CNTN1: variants seen among roughly 807,000 people sequenced by gnomAD.
CNTN1 encodes the protein contactin-1.
Under a neutral mutation model 126.4 loss-of-function variants are expected in CNTN1, and 38 were observed. The ratio of observed to expected loss-of-function variants is 0.30; its 90% confidence interval spans 0.23 to 0.39. The LOEUF (loss-of-function observed/expected upper bound fraction) is 0.39. CNTN1 is among the 10% of genes least tolerant of loss of function. CNTN1 has a pLI of 1.00. For synonymous variants in CNTN1, 413 were observed against 422.6 expected, an observed-to-expected ratio of 0.98 and a Z score of 0.28; for missense variants, 1,009 against 1,248.4, an observed-to-expected ratio of 0.81 and a Z score of 2.89.
intron 9 of CNTN1, 126 bp from the exon 10 acceptor site, chr12:40,936,655 C>T: frequency 8.5e-7 from 1 of 1,170,754 alleles, no homozygotes; most frequent in Non-Finnish European, 1.2e-6. Context: ...TTACTGAGTT[C>T]AGGATGCATA....
chr12:40,719,470 C>T (rs932020403), intron 1 of CNTN1, among the ~76,000 whole-genome samples: 2 of 152,142 alleles, frequency 1.3e-5, no homozygotes, highest in South Asian at 4.1e-4. Flanking sequence ...ACCTGATGAT[C>T]GATCGGGCTT....
At chr12:40,982,455 GCAAT>G (rs1947844715) in intron 16 of CNTN1, among the ~76,000 whole-genome samples, 1 of 152,044 alleles carries the variant, frequency 6.6e-6, no homozygotes, top group Admixed American at 6.6e-5. Flanking sequence ...AATACTAATT[GCAAT>G]CATTTTCATT....
At chr12:40,753,437 A>G (rs374770754) in intron 1 of CNTN1, among the ~76,000 whole-genome samples, 85 of 152,104 alleles carry the variant, frequency 5.6e-4, no homozygotes, top group African/African-American at 1.9e-3. Context: ...TAAAGAAAAA[A>G]AGAGGTTTAA....
chr12:40,924,433 C>T (rs1945559348), intron 5 of CNTN1, 124 bp from the exon 6 acceptor site: 1 of 682,654 alleles, frequency 1.5e-6, no homozygotes, highest in Non-Finnish European at 2.7e-6. Context: ...TACTAGGCTT[C>T]ACCAAACCAC....
In CNTN1 at chr12:40,981,083, C is replaced by A. The variant is rs1454250943; in HGVS notation, c.1963+16C>A. 2 of 1,611,086 alleles carry A rather than the reference C, an allele frequency of 1.2e-6. No individual in the cohort carries two copies. The highest frequency in any genetic ancestry group is 2.7e-5 in the African/African-American group (2 of 74,830). The stretch of plus-strand genomic sequence containing the variant: ...GCAAAGACAGGTGAGTTTTATTTGT[C>A]TGATTAATCCGTGCATGTTTTCAAA... On this transcript the variant is annotated intron_variant, in intron 16 of 23. Coordinates refer to ENST00000551295, the MANE Select transcript of CNTN1 (RefSeq NM_001843.4).
At chr12:41,035,433 A>G (rs1312772214) in intron 23 of CNTN1, among the ~76,000 whole-genome samples, 5 of 152,204 alleles carry the variant, frequency 3.3e-5, no homozygotes, top group South Asian at 2.1e-4. Flanking sequence ...AATTCATTCA[A>G]TAAGTGTCTA....
intron 1 of CNTN1, among the ~76,000 whole-genome samples, chr12:40,889,060 G>GT (rs1944153139): frequency 6.6e-6 from 1 of 152,228 alleles, no homozygotes. Context: ...GCTGTAAAAA[G>GT]TTGAACCATT....
intron 1 of CNTN1, among the ~76,000 whole-genome samples, chr12:40,703,265 G>C (rs1591989319): frequency 6.6e-6 from 1 of 151,832 alleles, no homozygotes; most frequent in East Asian, 1.9e-4. Context: ...CATAACATTT[G>C]GTATTTCCCT....
intron 15 of CNTN1, among the ~76,000 whole-genome samples, chr12:40,965,550 A>C (rs1947276263): frequency 6.6e-6 from 1 of 152,144 alleles, no homozygotes; most frequent in South Asian, 2.1e-4. Context: ...CTAATACAAA[A>C]TATATAATTT....
intron 1 of CNTN1, among the ~76,000 whole-genome samples, chr12:40,797,165 A>G (rs1940470103): frequency 6.6e-6 from 1 of 152,104 alleles, no homozygotes; most frequent in Non-Finnish European, 1.5e-5. Flanking sequence ...GGTAAGTGAG[A>G]CAAATGTGAT....
At chr12:40,955,332 G>C (rs1946836441) in intron 14 of CNTN1, among the ~76,000 whole-genome samples, 1 of 152,058 alleles carries the variant, frequency 6.6e-6, no homozygotes, top group Non-Finnish European at 1.5e-5. Context: ...ACACATAGGG[G>C]TGGGAAAAGT....
chr12:40,782,840 G>A (rs534918210), intron 1 of CNTN1, among the ~76,000 whole-genome samples: 12 of 151,938 alleles, frequency 7.9e-5, no homozygotes, highest in Admixed American at 6.6e-5. Context: ...TTAAAATGAC[G>A]AATTGTCTAG....
At chr12:40,715,172 G>T (rs559571275) in intron 1 of CNTN1, among the ~76,000 whole-genome samples, 3 of 152,024 alleles carry the variant, frequency 2.0e-5, no homozygotes, top group Admixed American at 2.0e-4. Flanking sequence ...CCTTGACCCC[G>T]CTATCGAAAA....
At chr12:40,957,128 C>T (rs1418663838) in intron 14 of CNTN1, among the ~76,000 whole-genome samples, 1 of 151,662 alleles carries the variant, frequency 6.6e-6, no homozygotes, top group Non-Finnish European at 1.5e-5. Context: ...AGCAGTGGGA[C>T]TCAGATGAGA....
chr12:40,944,274 A>G (rs1199976426), intron 14 of CNTN1, 104 bp downstream of exon 14: 8 of 1,129,790 alleles, frequency 7.1e-6, no homozygotes, highest in Non-Finnish European at 1.0e-5. Flanking sequence ...TTTGTTTTTC[A>G]TGAGACCAAA....
At chr12:41,038,329 C>T (rs534095437) in intron 23 of CNTN1, among the ~76,000 whole-genome samples, 1 of 152,154 alleles carries the variant, frequency 6.6e-6, no homozygotes, top group African/African-American at 2.4e-5. Context: ...AGTACACAGA[C>T]TGGGTGGCTT....
Position 40,918,622 on chromosome 12 carries a change from T to C in CNTN1, c.95-17T>C. 1 of 1,611,398 alleles carries C rather than the reference T, an allele frequency of 6.2e-7. No individual in the cohort carries two copies. Among genetic ancestry groups the C allele is most frequent in the Non-Finnish European group, 8.5e-7 (1 of 1,177,706 alleles). ...TATAAAGCAGTACAATGTAAAACAA[T>C]TTCATATTTCTTGTAGTTTCTGAGG... On this transcript the variant is annotated splice_polypyrimidine_tract_variant and intron_variant, in intron 3 of 23. Coordinates refer to ENST00000551295, the MANE Select transcript of CNTN1 (RefSeq NM_001843.4).
chr12:40,798,955 A>G (rs1166881266), intron 1 of CNTN1, among the ~76,000 whole-genome samples: 1 of 150,458 alleles, frequency 6.6e-6, no homozygotes, highest in African/African-American at 2.4e-5. Context: ...AATACAATAT[A>G]AGCATAACAT....
At chr12:40,726,034 A>G (rs953545167) in intron 1 of CNTN1, among the ~76,000 whole-genome samples, 3 of 152,134 alleles carry the variant, frequency 2.0e-5, no homozygotes, top group Non-Finnish European at 1.5e-5. Flanking sequence ...GAAGACATCA[A>G]TACACAGGTA....
Sources: gnomAD v4.1 joint callset for allele counts (sites outside exome capture counted in the v4.1 genomes callset) on GRCh38, gnomAD v4.1.1 for gene constraint, MANE v1.5 for transcripts, NCBI Gene and HGNC (gene_info 2026-07-23, HGNC 2026-07-21) for gene names.